SPSB4: variants seen among roughly 807,000 people sequenced by gnomAD.
SPSB4 encodes splA/ryanodine receptor domain and SOCS box containing 4, also known as SPRY domain-containing SOCS box protein 4.
A neutral mutation model predicts 20.9 loss-of-function variants in SPSB4; 21 were observed. That is an observed-to-expected ratio of 1.01 (90% confidence interval 0.71 to 1.45). The LOEUF is 1.45. Among genes scored for constraint, SPSB4 ranks in the 40% most tolerant of loss-of-function variants. The pLI is 0.00. For synonymous variants in SPSB4, 207 were observed against 183.8 expected, an observed-to-expected ratio of 1.13 and a Z score of -1.02; for missense variants, 399 against 399.2, an observed-to-expected ratio of 1.00 and a Z score of 0.00.
chr3:141,130,001 C>G (rs956724725), intron 2 of SPSB4, among the ~76,000 whole-genome samples: 2 of 152,212 alleles, frequency 1.3e-5, no homozygotes, highest in Non-Finnish European at 2.9e-5. Flanking sequence ...AGTCACAACC[C>G]TTTTTGCTGG....
At chr3:141,091,919 G>A (rs1394264641) in intron 2 of SPSB4, among the ~76,000 whole-genome samples, 2 of 152,202 alleles carry the variant, frequency 1.3e-5, no homozygotes, top group Non-Finnish European at 2.9e-5. Flanking sequence ...AGCAGGTAGA[G>A]CTCATTCCCT....
chr3:141,134,951 A>G (rs1576542674), intron 2 of SPSB4, among the ~76,000 whole-genome samples: 2 of 151,830 alleles, frequency 1.3e-5, no homozygotes, highest in South Asian at 4.2e-4. Context: ...ACTGCAAAAG[A>G]TATATAAGCA....
chr3:141,140,596 C>G (rs1267667989), intron 2 of SPSB4, among the ~76,000 whole-genome samples: 1 of 152,232 alleles, frequency 6.6e-6, no homozygotes, highest in Non-Finnish European at 1.5e-5. Context: ...TGGAGGTCCA[C>G]TCCAGACCCT....
At chr3:141,127,349 C>T (rs984566043) in intron 2 of SPSB4, among the ~76,000 whole-genome samples, 3 of 152,236 alleles carry the variant, frequency 2.0e-5, no homozygotes, top group African/African-American at 7.2e-5. Flanking sequence ...AAATGAGCCT[C>T]ACCTGTAAAG....
chr3:141,141,827 A>T (rs754611220), intron 2 of SPSB4, among the ~76,000 whole-genome samples: 2 of 152,132 alleles, frequency 1.3e-5, no homozygotes, highest in African/African-American at 4.8e-5. Context: ...TCTAGTTTGT[A>T]TGTGTAAAGG....
At chr3:141,063,354 A>C (rs1937801572) in intron 1 of SPSB4, among the ~76,000 whole-genome samples, 1 of 152,120 alleles carries the variant, frequency 6.6e-6, no homozygotes, top group Non-Finnish European at 1.5e-5. Context: ...CCATTTAATG[A>C]CATGGTCAAT....
At chr3:141,073,451 G>A (rs190985575) in intron 2 of SPSB4, among the ~76,000 whole-genome samples, 1 of 152,146 alleles carries the variant, frequency 6.6e-6, no homozygotes, top group Admixed American at 6.5e-5. Flanking sequence ...ATTATTTGAG[G>A]TGTCTAATTC....
At chr3:141,057,412 TAGTCTG>T (rs1406582680) in intron 1 of SPSB4, among the ~76,000 whole-genome samples, 1 of 152,198 alleles carries the variant, frequency 6.6e-6, no homozygotes, top group African/African-American at 2.4e-5. Context: ...ATGAAATAAA[TAGTCTG>T]AGCTCACAGT....
chr3:141,066,175 G>A lies in SPSB4; in HGVS notation c.71G>A (p.Arg24Gln), dbSNP rs1236572137. The A allele has an allele frequency of 6.5e-7, 1 of 1,531,984 alleles. No homozygotes were observed. The highest frequency in any genetic ancestry group is 8.8e-7 in the Non-Finnish European group (1 of 1,141,570). 94.9% of individuals were successfully genotyped at this position (1,531,984 alleles called of 1,614,324 possible). The change falls in exon 2 of 3, where the codon CGG (arginine) becomes CAG (glutamine). Residue 24 changes from arginine to glutamine, a missense_variant. Arg to Gln is a conservative substitution (Grantham distance 43, BLOSUM62 1). Coordinates refer to ENST00000310546, the MANE Select transcript of SPSB4 (RefSeq NM_080862.3). ...GAGCCGGCGCTGCGGCCGGCCAAGC[G>A]GGAGCTGCGGGGTGCAGAGCCCGGG... is the stretch of plus-strand genomic sequence containing the variant. ...VREPALRPAK[R>Q]ELRGAEPGRP...
chr3:141,115,582 T>G (rs978460647), intron 2 of SPSB4, among the ~76,000 whole-genome samples: 1 of 152,272 alleles, frequency 6.6e-6, no homozygotes, highest in African/African-American at 2.4e-5. Flanking sequence ...CAAATGTATT[T>G]GTGGTACTTG....
At chr3:141,101,452 C>T (rs1938611313) in intron 2 of SPSB4, among the ~76,000 whole-genome samples, 1 of 152,206 alleles carries the variant, frequency 6.6e-6, no homozygotes, top group Non-Finnish European at 1.5e-5. Flanking sequence ...GGGGCAGAGA[C>T]TTAGGAGTCC....
At chr3:141,064,561 T>C (rs991814157) in intron 1 of SPSB4, among the ~76,000 whole-genome samples, 2 of 152,188 alleles carry the variant, frequency 1.3e-5, no homozygotes, top group African/African-American at 4.8e-5. Flanking sequence ...GATACTTGTC[T>C]GTGCTGTGTG....
rs78410581 is a variant in SPSB4, at chr3:141,091,581, A to G, written c.694+24783A>G. On this transcript the variant is annotated intron_variant, in intron 2 of 2. Transcript: ENST00000310546. Reference sequence around the variant, plus strand: ...TGAGAACCCTGAGTTCAGAGAGTGTAAGGGAAGTGCCCAGATCTCCACCAC... The same window carrying G: ...TGAGAACCCTGAGTTCAGAGAGTGTGAGGGAAGTGCCCAGATCTCCACCAC... Among the ~76,000 whole-genome samples, 44 of 152,328 alleles carry G rather than the reference A, an allele frequency of 2.9e-4. No individual in the cohort carries two copies. The East Asian group carries it at 7.5e-3, about 26-fold the overall frequency.
chr3:141,139,543 T>C (rs1213185401), intron 2 of SPSB4, among the ~76,000 whole-genome samples: 1 of 152,232 alleles, frequency 6.6e-6, no homozygotes, highest in Non-Finnish European at 1.5e-5. Context: ...GGTAACAAAA[T>C]CTCTCAGCAT....
At chr3:141,065,622 T>A (rs1937849230) in intron 1 of SPSB4, among the ~76,000 whole-genome samples, 1 of 152,244 alleles carries the variant, frequency 6.6e-6, no homozygotes, top group African/African-American at 2.4e-5. Flanking sequence ...CAGATGACCT[T>A]GGTTTGAATC....
At chr3:141,129,393 T>A (rs1939100038) in intron 2 of SPSB4, among the ~76,000 whole-genome samples, 2 of 152,190 alleles carry the variant, frequency 1.3e-5, no homozygotes, top group Non-Finnish European at 2.9e-5. Context: ...TGTTTGCTCC[T>A]TGGAGCTTGG....
At chr3:141,073,961 C>G (rs113571861) in intron 2 of SPSB4, among the ~76,000 whole-genome samples, 1 of 152,152 alleles carries the variant, frequency 6.6e-6, no homozygotes, top group Non-Finnish European at 1.5e-5. Context: ...GAAAAGGCCT[C>G]GATCAGATGC....
intron 2 of SPSB4, among the ~76,000 whole-genome samples, chr3:141,140,329 C>G (rs1048856272): frequency 6.6e-6 from 1 of 152,238 alleles, no homozygotes; most frequent in Non-Finnish European, 1.5e-5. Flanking sequence ...CTTCCTCTCT[C>G]AACTCGTCAA....
intron 2 of SPSB4, among the ~76,000 whole-genome samples, chr3:141,104,909 A>G (rs537605876): frequency 5.4e-4 from 82 of 152,316 alleles, no homozygotes; most frequent in African/African-American, 1.9e-3. Context: ...GCCCCTGGGA[A>G]GGCCTGTCAG....
Sources: allele counts gnomAD v4.1 joint callset (sites outside exome capture counted in the v4.1 genomes callset), GRCh38; gene constraint gnomAD v4.1.1; transcripts MANE v1.5; gene names NCBI Gene and HGNC (gene_info 2026-07-23, HGNC 2026-07-21).